ANO6: variants seen among roughly 807,000 people sequenced by gnomAD.
ANO6 encodes anoctamin-6.
Under a neutral mutation model 117.5 loss-of-function variants are expected in ANO6, and 106 were observed. The observed-to-expected ratio is 0.90, with a 90% confidence interval of 0.77 to 1.06. ANO6 has a LOEUF of 1.06. ANO6 is among the 50% of genes least tolerant of loss of function. The pLI is 0.00. For synonymous variants in ANO6, 367 were observed against 385.1 expected, an observed-to-expected ratio of 0.95 and a Z score of 0.55; for missense variants, 955 against 1,121.1, an observed-to-expected ratio of 0.85 and a Z score of 2.12.
chr12:45,358,573 C>T (rs1345448638), intron 8 of ANO6, among the ~76,000 whole-genome samples: 1 of 152,128 alleles, frequency 6.6e-6, no homozygotes, highest in Non-Finnish European at 1.5e-5. Context: ...TACAAAATCA[C>T]CATGATAGTT....
intron 12 of ANO6, among the ~76,000 whole-genome samples, chr12:45,398,000 T>C (rs1942674344): frequency 6.6e-6 from 1 of 151,782 alleles, no homozygotes; most frequent in South Asian, 2.1e-4. Flanking sequence ...TACAAATAAA[T>C]TTGATGACTA....
chr12:45,219,428 C>G (rs1050317267), intron 1 of ANO6, among the ~76,000 whole-genome samples: 2 of 152,072 alleles, frequency 1.3e-5, no homozygotes, highest in East Asian at 3.9e-4. Context: ...CTTGACTTCC[C>G]AGGCTCAAGC....
rs1174553366 is a variant in ANO6, at chr12:45,429,656, A to C, written c.*345A>C. 3 of 1,144,922 alleles carry C rather than the reference A, an allele frequency of 2.6e-6. No individual in the cohort carries two copies. Among genetic ancestry groups the C allele is most frequent in the Non-Finnish European group, 3.2e-6 (3 of 925,956 alleles). The allele number at this position is 1,144,922 out of a possible 1,614,324, so 70.9% of individuals were successfully genotyped here. On this transcript the variant is annotated 3_prime_UTR_variant, in exon 20 of 20. Coordinates refer to ENST00000320560, the MANE Select transcript of ANO6 (RefSeq NM_001025356.3). ...TGTTTGATTATTTTCATTTCTGTCT[A>C]TTCTCAGGCGCATGATCTCCTTTAT...
At chr12:45,242,653 A>G (rs1476656419) in intron 1 of ANO6, among the ~76,000 whole-genome samples, 2 of 152,218 alleles carry the variant, frequency 1.3e-5, no homozygotes, top group Non-Finnish European at 2.9e-5. Context: ...CATCTTCTGC[A>G]TCGATCACAC....
intron 12 of ANO6, among the ~76,000 whole-genome samples, chr12:45,395,230 A>T (rs775875371): frequency 7.2e-5 from 11 of 152,376 alleles, no homozygotes; most frequent in Non-Finnish European, 1.5e-4. Flanking sequence ...CAAATAAACC[A>T]GAAAATCTAC....
At chr12:45,354,940 C>G (rs1221605544) in intron 7 of ANO6, among the ~76,000 whole-genome samples, 1 of 152,038 alleles carries the variant, frequency 6.6e-6, no homozygotes, top group Non-Finnish European at 1.5e-5. Context: ...CCACATCTTC[C>G]AGAATAGAAA....
chr12:45,216,272 C>A lies in ANO6; in HGVS notation c.-50C>A. Reference sequence around the variant, plus strand: ...GGGAGAGCCGCGCCGTTCTGGAACCCGGGAGCCCCCAACTTCGCGCCAAGT... The same window carrying A: ...GGGAGAGCCGCGCCGTTCTGGAACCAGGGAGCCCCCAACTTCGCGCCAAGT... On this transcript the variant is annotated 5_prime_UTR_variant, in exon 1 of 20. Coordinates refer to ENST00000320560, the MANE Select transcript of ANO6 (RefSeq NM_001025356.3). 1 of 1,568,514 alleles carries A rather than the reference C, an allele frequency of 6.4e-7. No individual in the cohort carries two copies.
chr12:45,264,141 C>A (rs1039916531), intron 1 of ANO6, among the ~76,000 whole-genome samples: 2 of 152,178 alleles, frequency 1.3e-5, no homozygotes, highest in Non-Finnish European at 2.9e-5. Context: ...AGCTGCTGGT[C>A]ACCCCATTAC....
chr12:45,301,616 CAAAA>C (rs1225757195), intron 1 of ANO6, among the ~76,000 whole-genome samples: 3 of 75,844 alleles, frequency 4.0e-5, no homozygotes. Context: ...GACCTTGTCT[CAAAA>C]AAAAAAAAAA....
intron 2 of ANO6, among the ~76,000 whole-genome samples, chr12:45,318,074 G>T (rs1940115450): frequency 6.6e-6 from 1 of 152,180 alleles, no homozygotes; most frequent in Admixed American, 6.5e-5. Flanking sequence ...TCTGTAGGTT[G>T]CTTGTTCACT....
intron 1 of ANO6, among the ~76,000 whole-genome samples, chr12:45,240,423 T>C (rs12581841): frequency 0.013 from 1,979 of 147,302 alleles, 41 homozygotes; most frequent in East Asian, 0.064. Flanking sequence ...CCTCCATCCT[T>C]TATTTTGAGC....
chr12:45,314,472 T>TAC (rs1469794860), intron 2 of ANO6, among the ~76,000 whole-genome samples: 50 of 38,416 alleles, frequency 1.3e-3, no homozygotes, highest in African/African-American at 2.6e-3. Flanking sequence ...ATATATTATA[T>TAC]ATACACACAC....
At chr12:45,376,012 A>G (rs1310690799) in intron 9 of ANO6, among the ~76,000 whole-genome samples, 1 of 150,742 alleles carries the variant, frequency 6.6e-6, no homozygotes, top group African/African-American at 2.4e-5. Context: ...TTTACAAGAA[A>G]AAAACAACCC....
At chr12:45,219,181 T>TC (rs1371181056) in intron 1 of ANO6, among the ~76,000 whole-genome samples, 2 of 151,668 alleles carry the variant, frequency 1.3e-5, no homozygotes, top group South Asian at 4.2e-4. Context: ...GACCTCCCCC[T>TC]CCCCCCAAAA....
At chr12:45,375,024 A>ACT (rs1941964042) in intron 9 of ANO6, among the ~76,000 whole-genome samples, 1 of 151,782 alleles carries the variant, frequency 6.6e-6, no homozygotes. Context: ...TACAAAATCA[A>ACT]TGTACAAAAA....
intron 12 of ANO6, among the ~76,000 whole-genome samples, chr12:45,400,721 G>T (rs545256000): frequency 6.6e-6 from 1 of 152,266 alleles, no homozygotes; most frequent in Non-Finnish European, 1.5e-5. Context: ...TCTAGCCCCA[G>T]GACCATCCTG....
chr12:45,308,047 A>ATTTTTT (rs1939727926), intron 2 of ANO6, among the ~76,000 whole-genome samples: 1 of 17,910 alleles, frequency 5.6e-5, no homozygotes, highest in Non-Finnish European at 2.1e-4. Context: ...GTGTGTGTGT[A>ATTTTTT]ATTTTTTTTT....
chr12:45,388,939 A>G (rs894352021), intron 11 of ANO6, among the ~76,000 whole-genome samples: 7 of 152,254 alleles, frequency 4.6e-5, no homozygotes, highest in Non-Finnish European at 1.0e-4. Context: ...TTCTGTCTGT[A>G]TAAATATTCC....
chr12:45,424,612 T>C (rs1300289434), intron 19 of ANO6, among the ~76,000 whole-genome samples: 4 of 151,992 alleles, frequency 2.6e-5, no homozygotes, highest in Admixed American at 6.6e-5. Flanking sequence ...GCTAGGATTA[T>C]AGGCATGAGC....
Sources: allele counts gnomAD v4.1 joint callset (sites outside exome capture counted in the v4.1 genomes callset), GRCh38; gene constraint gnomAD v4.1.1; transcripts MANE v1.5; gene names NCBI Gene and HGNC (gene_info 2026-07-23, HGNC 2026-07-21).